NRG3: variants seen among roughly 807,000 people sequenced by gnomAD.
The protein encoded by NRG3 is pro-neuregulin-3, membrane-bound isoform.
A neutral mutation model predicts 66.9 loss-of-function variants in NRG3; 31 were observed. The observed-to-expected ratio is 0.46, with a 90% CI of 0.35 to 0.63. The LOEUF is 0.63. Among genes scored for constraint, NRG3 ranks in the 20% least tolerant of loss-of-function variants. NRG3 has a pLI of 0.00. For missense variants in NRG3, 910 were observed against 878.9 expected (o/e 1.04, Z -0.45); for synonymous variants, 393 against 359.4 (o/e 1.09, Z -1.06).
At chr10:82,696,478 G>A (rs189784093) in intron 2 of NRG3, among the ~76,000 whole-genome samples, 126 of 152,184 alleles carry the variant, frequency 8.3e-4, no homozygotes, top group Middle Eastern at 3.4e-3. Flanking sequence ...GACAAGCACA[G>A]GGAAAGATGG....
At chr10:82,127,990 G>A (rs756295040) in intron 1 of NRG3, among the ~76,000 whole-genome samples, 2 of 151,862 alleles carry the variant, frequency 1.3e-5, no homozygotes, top group African/African-American at 2.4e-5. Context: ...ATCACTTAAG[G>A]TACTGAAAAT....
At chr10:82,535,790 C>T (rs1258768157) in intron 2 of NRG3, among the ~76,000 whole-genome samples, 1 of 152,108 alleles carries the variant, frequency 6.6e-6, no homozygotes, top group Admixed American at 6.5e-5. Flanking sequence ...CTGCTTGATA[C>T]AAGTTGCCTG....
intron 4 of NRG3, among the ~76,000 whole-genome samples, chr10:82,905,446 A>T (rs1381271920): frequency 2.0e-5 from 3 of 152,308 alleles, no homozygotes; most frequent in Admixed American, 2.0e-4. Context: ...CTTCTAAAAT[A>T]AGGCATTTAG....
chr10:82,398,524 T>A (rs111294335), intron 2 of NRG3, among the ~76,000 whole-genome samples: 19,739 of 139,238 alleles, frequency 0.14, 1,506 homozygotes, highest in East Asian at 0.27. Flanking sequence ...TGTGTGTGTG[T>A]GTGAGAGAGA....
chr10:82,674,367 G>A (rs1206193919), intron 2 of NRG3, among the ~76,000 whole-genome samples: 1 of 152,020 alleles, frequency 6.6e-6, no homozygotes, highest in Admixed American at 6.6e-5. Flanking sequence ...GCTCTCAGTT[G>A]TCAGGGTGAG....
chr10:82,256,363 T>C (rs2077726424), intron 1 of NRG3, among the ~76,000 whole-genome samples: 1 of 152,186 alleles, frequency 6.6e-6, no homozygotes, highest in Non-Finnish European at 1.5e-5. Flanking sequence ...TTGCTTTCAA[T>C]GTACGTTATT....
intron 2 of NRG3, among the ~76,000 whole-genome samples, chr10:82,393,087 C>G (rs944687508): frequency 6.6e-6 from 1 of 152,022 alleles, no homozygotes; most frequent in African/African-American, 2.4e-5. Flanking sequence ...TATGGTTTGT[C>G]TATACTTCCA....
rs569941890 is a variant in NRG3, at chr10:82,090,478, G to C, written c.823+214315G>C. The stretch of plus-strand genomic sequence containing the variant: ...TACTAAATTTGAGAAAAGCAACAAA[G>C]TATGAGGAAAACATATATGCCAACA... On this transcript the variant is annotated intron_variant, in intron 1 of 8. Coordinates refer to ENST00000372141, the MANE Select transcript of NRG3 (RefSeq NM_001010848.4). 2.6e-5 allele frequency among the ~76,000 whole-genome samples: 4 copies of C among 152,336 alleles called. No individual in the cohort carries two copies. The South Asian group carries it at 6.2e-4, about 24-fold the overall frequency.
chr10:82,364,244 C>T (rs376426254), intron 2 of NRG3, among the ~76,000 whole-genome samples: 2 of 152,110 alleles, frequency 1.3e-5, no homozygotes, highest in African/African-American at 4.8e-5. Flanking sequence ...CCAGATTAAG[C>T]ACTACTAAGT....
At chr10:82,394,807 T>C (rs1405618720) in intron 2 of NRG3, among the ~76,000 whole-genome samples, 1 of 152,170 alleles carries the variant, frequency 6.6e-6, no homozygotes, top group Non-Finnish European at 1.5e-5. Flanking sequence ...GATGAGGACC[T>C]GAGGTCCTCT....
intron 2 of NRG3, among the ~76,000 whole-genome samples, chr10:82,572,886 G>A (rs2045824033): frequency 6.6e-6 from 1 of 151,672 alleles, no homozygotes; most frequent in African/African-American, 2.4e-5. Flanking sequence ...CACTTCAGTG[G>A]CTTTTAATTG....
At chr10:82,283,662 T>G (rs2079245382) in intron 1 of NRG3, among the ~76,000 whole-genome samples, 1 of 152,112 alleles carries the variant, frequency 6.6e-6, no homozygotes, top group African/African-American at 2.4e-5. Context: ...ATACTGATGC[T>G]TATGATTTTC....
intron 1 of NRG3, among the ~76,000 whole-genome samples, chr10:82,153,148 A>G (rs546295899): frequency 6.6e-6 from 1 of 152,180 alleles, no homozygotes; most frequent in South Asian, 2.1e-4. Context: ...CTATGTTACA[A>G]CTTATTCCTA....
chr10:82,710,268 T>C (rs1294575464), intron 2 of NRG3, among the ~76,000 whole-genome samples: 2 of 152,194 alleles, frequency 1.3e-5, no homozygotes, highest in African/African-American at 4.8e-5. Flanking sequence ...TTAATCACTA[T>C]TCCTCAGTAT....
At chr10:82,804,599 A>G (rs2135458853) in intron 3 of NRG3, among the ~76,000 whole-genome samples, 1 of 152,328 alleles carries the variant, frequency 6.6e-6, no homozygotes, top group African/African-American at 2.4e-5. Context: ...AAAATCAATT[A>G]TCTTCTTCAG....
intron 4 of NRG3, among the ~76,000 whole-genome samples, chr10:82,884,002 T>C (rs1842514766): frequency 6.6e-6 from 1 of 151,994 alleles, no homozygotes; most frequent in South Asian, 2.1e-4. Flanking sequence ...TACTATGCAA[T>C]TCTGTCTATT....
At chr10:82,731,151 G>C (rs1424027085) in intron 2 of NRG3, among the ~76,000 whole-genome samples, 1 of 152,042 alleles carries the variant, frequency 6.6e-6, no homozygotes, top group Non-Finnish European at 1.5e-5. Flanking sequence ...CGGATAACTT[G>C]AGGTCAGGAG....
chr10:82,104,264 T>G (rs557827759), intron 1 of NRG3, among the ~76,000 whole-genome samples: 5 of 152,294 alleles, frequency 3.3e-5, no homozygotes, highest in Admixed American at 3.3e-4. Context: ...GATATTAAAC[T>G]TATAAATTAA....
At chr10:82,270,260 C>T (rs1433564025) in intron 1 of NRG3, among the ~76,000 whole-genome samples, 1 of 152,144 alleles carries the variant, frequency 6.6e-6, no homozygotes, top group Non-Finnish European at 1.5e-5. Flanking sequence ...CCTCACTCTA[C>T]TCATGGTCAT....
Sources: allele counts gnomAD v4.1 joint callset (sites outside exome capture counted in the v4.1 genomes callset), GRCh38; gene constraint gnomAD v4.1.1; transcripts MANE v1.5; gene names NCBI Gene and HGNC (gene_info 2026-07-23, HGNC 2026-07-21).